The following PKD1 variants were observed in gnomAD, a reference collection of about 807,000 sequenced individuals.
PKD1 encodes the protein polycystin 1, transient receptor potential channel interacting.
A neutral mutation model predicts 361.7 loss-of-function variants in PKD1; 81 were observed. The ratio of observed to expected loss-of-function variants is 0.22; its 90% CI spans 0.19 to 0.27. PKD1 has a LOEUF of 0.27. Ranked by LOEUF, PKD1 falls within the 10% of genes least tolerant of loss-of-function variation. The pLI, the probability that PKD1 is intolerant of heterozygous loss-of-function variation, is 1.00. For synonymous variants in PKD1, 3,615 were observed against 2,818.3 expected (o/e 1.28, Z -8.95); for missense variants, 6,399 against 6,118.3 (o/e 1.05, Z -1.53).
intron 11 of PKD1, chr16:2,113,715 C>T: frequency 2.8e-6 from 1 of 358,498 alleles, no homozygotes; most frequent in Non-Finnish European, 5.2e-6. Context: ...ATGGCCCCTC[C>T]CAAGGCCCCT....
Position 2,089,844 on chromosome 16 carries a change from G to A in PKD1, c.12795C>T (p.Gly4265=), listed in dbSNP as rs766004717. The A allele has an allele frequency of 1.9e-6, 3 of 1,606,310 alleles. No individual in the cohort carries two copies. The highest frequency in any genetic ancestry group is 1.3e-5 in the African/African-American group (1 of 74,996). The change falls in exon 46 of 46, where the codon GGC becomes GGT. Residue 4265 remains glycine (G), a synonymous_variant. Coordinates refer to ENST00000262304, the MANE Select transcript of PKD1 (RefSeq NM_001009944.3). ...PAGSSRGPSP[G]LRPALPSRLA... is the part of the protein sequence containing the mutation. The stretch of plus-strand genomic sequence containing the variant: ...GGCGGCTGGGCAGTGCTGGCCGCAG[G>A]CCCGGGGATGGGCCACGGGAAGATC...
chr16:2,111,783 G>T lies in PKD1; in HGVS notation c.3384C>A (p.Ser1128=), dbSNP rs530066894. 6.2e-7 allele frequency: 1 copy of T among 1,608,366 alleles called. No homozygotes were observed. Among genetic ancestry groups the T allele is most frequent in the Non-Finnish European group, 8.5e-7 (1 of 1,178,806 alleles). ...VPVSVRASLP[S]VAVGVSDGVL... is the part of the protein sequence containing the mutation. ...CGCCGTCACTCACACCCACAGCCAC[G>T]GAGGGCAGGGAGGCGCGCACGCTCA... Residue 1128 remains serine, a synonymous_variant, in exon 15 of 46, where the codon TCC becomes TCA. Transcript: ENST00000262304.
At position 2,100,046 on chromosome 16, in the gene PKD1, C is replaced by A. The variant is rs1483371299; in HGVS notation, c.9738G>T (p.Arg3246=). The A allele has an allele frequency of 1.3e-6, 2 of 1,589,068 alleles. No homozygotes were observed. The highest frequency in any genetic ancestry group is 1.8e-5 in the Admixed American group (1 of 55,858). ...AASDAALLRF[R]RLLVAELQRG... ...GCTGCAGCTCAGCCACCAGCAGGCGCCGGAAGCGCAAAAGGGCTGCGTCGC... is the reference window on the plus strand; with the variant it reads ...GCTGCAGCTCAGCCACCAGCAGGCGACGGAAGCGCAAAAGGGCTGCGTCGC... Residue 3246 remains arginine (R), a synonymous_variant, in exon 29 of 46, where the codon CGG becomes CGT. Coordinates refer to ENST00000262304, the MANE Select transcript of PKD1 (RefSeq NM_001009944.3). The surrounding 1 kb of genome is among the most constrained non-coding windows in gnomAD (Gnocchi z 4.4).
At chr16:2,116,498 G>A (rs1237590079) in intron 8 of PKD1, 31 bp downstream of exon 8, 6 of 1,219,658 alleles carry the variant, frequency 4.9e-6, no homozygotes, top group African/African-American at 3.0e-5. Context: ...CAGGCAGGAG[G>A]GCAGGTTGTA....
Position 2,106,479 on chromosome 16 carries a change from G to C in PKD1, c.7408C>G (p.Pro2470Ala), listed in dbSNP as rs2092340562. 3.8e-6 allele frequency: 6 copies of C among 1,590,962 alleles called. No individual in the cohort carries two copies. In the Admixed American group the frequency reaches 1.0e-4, roughly 27 times the overall value. ...AGGCGGCAAGAGCCCCCCAGCGGCGGGCGGTTGGGGGACAGGCGGATGGAG... is the reference window on the plus strand; with the variant it reads ...AGGCGGCAAGAGCCCCCCAGCGGCGCGCGGTTGGGGGACAGGCGGATGGAG... ...CASIRLSPNRPPLGGSCRLFP... is the reference protein window; with the variant it reads ...CASIRLSPNRAPLGGSCRLFP... Residue 2470 changes from proline to alanine, a missense_variant, in exon 18 of 46, where the codon CCG becomes GCG. Physicochemically the swap from Pro to Ala is conservative, Grantham distance 27. Coordinates refer to ENST00000262304, the MANE Select transcript of PKD1 (RefSeq NM_001009944.3). This position sits in a 1 kb window ranked among gnomAD's most constrained non-coding sequence, Gnocchi z 6.5.
Position 2,090,807 on chromosome 16 carries a change from G to A in PKD1, c.12005C>T (p.Ala4002Val). The A allele has an allele frequency of 5.0e-6, 8 of 1,612,366 alleles. No homozygotes were observed. Among genetic ancestry groups the A allele is most frequent in the South Asian group, 1.1e-5 (1 of 91,090 alleles). ...GCGCACGAAGCGTAGCTGCTGGGCAGCCTGCGGACGAGAAATCTGTCTGCT... is the reference window on the plus strand; with the variant it reads ...GCGCACGAAGCGTAGCTGCTGGGCAACCTGCGGACGAGAAATCTGTCTGCT... ...ASLLFLLLVK[A>V]AQQLRFVRQW... The change falls in exon 44 of 46, where the codon GCT becomes GTT. Residue 4002 changes from alanine to valine, a missense_variant and splice_region_variant. Transcript: ENST00000262304.
At position 2,100,984 on chromosome 16, in the gene PKD1, A is replaced by AT. The variant is rs967549977; in HGVS notation, c.9398-419dup. Among the ~76,000 whole-genome samples, 1 of 151,352 alleles carries AT rather than the reference A, an allele frequency of 6.6e-6. No homozygotes were observed. Among genetic ancestry groups the AT allele is most frequent in the East Asian group, 2.0e-4 (1 of 5,124 alleles). On this transcript the variant is annotated intron_variant, in intron 26 of 45. Coordinates refer to ENST00000262304, the MANE Select transcript of PKD1 (RefSeq NM_001009944.3). This position sits in a 1 kb window ranked among gnomAD's most constrained non-coding sequence, Gnocchi z 4.4. ...CCCAGTGACAGACCCAGGTGACAGT[A>AT]TTTTTTTTCTTTTTTTTTTGAGATG...
At chr16:2,122,596 A>T (rs1330586087) in intron 1 of PKD1, among the ~76,000 whole-genome samples, 1 of 152,212 alleles carries the variant, frequency 6.6e-6, no homozygotes, top group Non-Finnish European at 1.5e-5. Flanking sequence ...GCAAGAGGCC[A>T]TTCTCGAGAC....
intron 22 of PKD1, 106 bp downstream of exon 22, chr16:2,104,392 G>T: frequency 1.6e-6 from 1 of 642,224 alleles, no homozygotes; most frequent in Non-Finnish European, 2.6e-6. Context: ...GAGGGGAGGG[G>T]GACGAAGATG....
rs567432587 is a variant in PKD1, at chr16:2,088,708, T to C, written c.*1019A>G. The C allele has an allele frequency of 6.8e-7, 1 of 1,461,242 alleles. No homozygotes were observed. The highest frequency in any genetic ancestry group is 1.2e-5 in the South Asian group (1 of 80,524). 90.5% of individuals were successfully genotyped at this position (1,461,242 alleles called of 1,614,324 possible). ...CAGTGCACAGACATAGAGGCACAGA[T>C]TGCAGTCAGACAGCTCTTTTATTGA... On this transcript the variant is annotated 3_prime_UTR_variant, in exon 46 of 46. Transcript: ENST00000262304.
chr16:2,096,400 C>T (rs953049825), intron 34 of PKD1, among the ~76,000 whole-genome samples: 4 of 152,274 alleles, frequency 2.6e-5, no homozygotes, highest in African/African-American at 4.8e-5. Flanking sequence ...CGTGGGAACA[C>T]GCCGTGGGTG....
Position 2,108,955 on chromosome 16 carries a change from C to G in PKD1, c.6212G>C (p.Cys2071Ser), listed in dbSNP as rs780377250. 1.2e-6 allele frequency: 2 copies of G among 1,607,746 alleles called. No homozygotes were observed. The highest frequency in any genetic ancestry group is 1.3e-5 in the African/African-American group (1 of 74,788). The stretch of plus-strand genomic sequence containing the variant: ...AAACTGCGCCGAGCGGTTGGTGAAG[C>G]AGGGGCCGCTCTGCAGGGCCACATA... ...VQYVALQSGP[C>S]FTNRSAQFEA... The change falls in exon 15 of 46, where the codon TGC becomes TCC. Residue 2071 changes from cysteine to serine, a missense_variant. Coordinates refer to ENST00000262304, the MANE Select transcript of PKD1 (RefSeq NM_001009944.3).
In PKD1 at chr16:2,100,384, G is replaced by A. The variant is rs2092045646; in HGVS notation, c.9568+12C>T. On this transcript the variant is annotated intron_variant, in intron 27 of 45. Transcript: ENST00000262304. This position sits in a 1 kb window ranked among gnomAD's most constrained non-coding sequence, Gnocchi z 4.4. ...GGGCAGAGGGGCAGAGCTTGGCAGG[G>A]TCCGCACAAACCTTTGTTGTCGTGC... 9.9e-6 allele frequency: 16 copies of A among 1,611,114 alleles called. 1 individual carries two copies. Among genetic ancestry groups the A allele is most frequent in the South Asian group, 6.6e-5 (6 of 91,002 alleles).
At chr16:2,092,368 G>T (rs2091634355) in intron 39 of PKD1, 112 bp downstream of exon 39, 1 of 963,056 alleles carries the variant, frequency 1.0e-6, no homozygotes, top group Non-Finnish European at 1.6e-6. Flanking sequence ...GCGGTGTTAA[G>T]AGGGCAAAGG....
In PKD1 at chr16:2,117,944, C is replaced by T. The variant is rs1221027872; in HGVS notation, c.1048G>A (p.Val350Met). The T allele has an allele frequency of 4.8e-6, 7 of 1,468,294 alleles. No homozygotes were observed. Among genetic ancestry groups the T allele is most frequent in the African/African-American group, 4.2e-5 (3 of 72,022 alleles). 91.0% of individuals were successfully genotyped at this position (1,468,294 alleles called of 1,614,324 possible). A position where few individuals can be genotyped will look rare whatever the true frequency, so the allele number is the denominator to read the frequency against. Residue 350 changes from valine to methionine, a missense_variant, in exon 5 of 46, where the codon GTG becomes ATG. Physicochemically the swap from Val to Met is conservative, Grantham distance 21. Coordinates refer to ENST00000262304, the MANE Select transcript of PKD1 (RefSeq NM_001009944.3). Reference protein sequence around the residue: ...GAGSALLGTDVQVEAAPAALE... With the variant: ...GAGSALLGTDMQVEAAPAALE... Reference sequence around the variant, plus strand: ...GCGGCAGGTGCCGCTTCCACCTGCACGTCTGTCCCCAGCAGGGCTGAGCCG... The same window carrying T: ...GCGGCAGGTGCCGCTTCCACCTGCATGTCTGTCCCCAGCAGGGCTGAGCCG...
rs908625205 is a variant in PKD1 at position 2,128,695 on chromosome 16, G to T, written c.215+6780C>A. Among the ~76,000 whole-genome samples, 4 of 152,288 alleles carry T rather than the reference G, an allele frequency of 2.6e-5. No homozygotes were observed. The East Asian group carries it at 7.7e-4, about 29-fold the overall frequency. On this transcript the variant is annotated intron_variant, in intron 1 of 45. Coordinates refer to ENST00000262304, the MANE Select transcript of PKD1 (RefSeq NM_001009944.3). ...GGCGTGGCCACCGCGGGGAGAGGGT[G>T]CGGACTCTTCCTAGACCTTTTCTTT... is the stretch of plus-strand genomic sequence containing the variant.
rs768692070 is a variant in PKD1, at chr16:2,110,851, C to A, written c.4316G>T (p.Gly1439Val). 6.2e-7 allele frequency: 1 copy of A among 1,611,748 alleles called. No individual in the cohort carries two copies. ...PEVTFIYRDPGSYLVTVTASN... is the reference protein window; with the variant it reads ...PEVTFIYRDPVSYLVTVTASN... ...CGCGGTGACTGTCACAAGATAGGAG[C>A]CTGGGTCTCGGTAGATGAACGTCAC... Residue 1439 changes from glycine to valine, a missense_variant, in exon 15 of 46, where the codon GGC (glycine) becomes GTC (valine). By Grantham distance (109) the Gly-to-Val change is moderately radical. Transcript: ENST00000262304.
chr16:2,121,290 G>T (rs924497906), intron 1 of PKD1, among the ~76,000 whole-genome samples: 30 of 151,834 alleles, frequency 2.0e-4, no homozygotes, highest in African/African-American at 6.8e-4. Flanking sequence ...ACTTGAACCC[G>T]CGAGGCAGAG....
In PKD1 at chr16:2,088,977, C is replaced by G. The variant is rs978783873; in HGVS notation, c.*750G>C. 6.6e-6 allele frequency: 2 copies of G among 304,192 alleles called. No individual in the cohort carries two copies. Among genetic ancestry groups the G allele is most frequent in the Non-Finnish European group, 1.3e-5 (2 of 158,486 alleles). The allele number at this position is 304,192 out of a possible 1,614,324, so 18.8% of individuals were successfully genotyped here. ...ACCACCCTGGGGTCCTCTGACATGC[C>G]TAGTCCTGCTACTTGCCCAGACCTG... On this transcript the variant is annotated 3_prime_UTR_variant, in exon 46 of 46. Transcript: ENST00000262304.
Sources: gnomAD v4.1 joint callset for allele counts (sites outside exome capture counted in the v4.1 genomes callset) on GRCh38, gnomAD v4.1.1 for gene constraint, Gnocchi (gnomAD v3.1) non-coding constraint, MANE v1.5 for transcripts, NCBI Gene and HGNC (gene_info 2026-07-23, HGNC 2026-07-21) for gene names.